GPC5: variants seen among roughly 807,000 people sequenced by gnomAD.
GPC5 encodes the protein glypican 5.
Under a neutral mutation model 53.9 loss-of-function variants are expected in GPC5, and 47 were observed. The observed-to-expected ratio is 0.87, with a 90% CI of 0.69 to 1.11. The LOEUF (loss-of-function observed/expected upper bound fraction) is 1.11. Ranked by LOEUF, GPC5 falls within the 50% of genes most tolerant of loss-of-function variation. The pLI is 0.00. For synonymous variants in GPC5, 286 were observed against 263.3 expected, an observed-to-expected ratio of 1.09 and a Z score of -0.84; for missense variants, 748 against 713.1, an observed-to-expected ratio of 1.05 and a Z score of -0.56.
At chr13:91,715,268 T>A (rs1340531435) in intron 3 of GPC5, among the ~76,000 whole-genome samples, 1 of 152,192 alleles carries the variant, frequency 6.6e-6, no homozygotes, top group Admixed American at 6.5e-5. Flanking sequence ...CAGAGACAAG[T>A]TCTGCCTCTT....
chr13:91,424,915 C>G (rs1878933125), intron 1 of GPC5, among the ~76,000 whole-genome samples: 1 of 152,098 alleles, frequency 6.6e-6, no homozygotes, highest in African/African-American at 2.4e-5. Context: ...AAATGTTGAA[C>G]CAATACAGAA....
At chr13:92,590,124 T>C (rs1883668353) in intron 7 of GPC5, among the ~76,000 whole-genome samples, 1 of 152,122 alleles carries the variant, frequency 6.6e-6, no homozygotes, top group African/African-American at 2.4e-5. Flanking sequence ...CAGGGATCTA[T>C]TCCCCAGCCA....
chr13:92,819,953 C>CT (rs1877618840), intron 7 of GPC5, among the ~76,000 whole-genome samples: 1 of 152,090 alleles, frequency 6.6e-6, no homozygotes, highest in African/African-American at 2.4e-5. Context: ...CTATTCACTA[C>CT]TTTTCCTAAT....
chr13:92,120,503 T>C (rs1364171159), intron 6 of GPC5, among the ~76,000 whole-genome samples: 4 of 152,146 alleles, frequency 2.6e-5, no homozygotes, highest in Non-Finnish European at 5.9e-5. Context: ...CAAGCACTCC[T>C]GCCACTCAAA....
chr13:92,338,306 C>A (rs1215642598), intron 7 of GPC5, among the ~76,000 whole-genome samples: 1 of 152,072 alleles, frequency 6.6e-6, no homozygotes, highest in East Asian at 1.9e-4. Flanking sequence ...GGATGTGGAG[C>A]AACAGGAACT....
intron 7 of GPC5, among the ~76,000 whole-genome samples, chr13:92,368,639 A>AC: frequency 6.7e-6 from 1 of 150,240 alleles, no homozygotes; most frequent in Non-Finnish European, 1.5e-5. Context: ...TGTCTTAAAA[A>AC]AAAAAAAAAA....
intron 7 of GPC5, among the ~76,000 whole-genome samples, chr13:92,315,738 A>G (rs1297822527): frequency 6.6e-6 from 1 of 152,246 alleles, no homozygotes; most frequent in African/African-American, 2.4e-5. Flanking sequence ...GATTGGAAAA[A>G]TAATTAGTAA....
At chr13:91,992,459 CTTTT>C (rs34928600) in intron 6 of GPC5, among the ~76,000 whole-genome samples, 6 of 135,832 alleles carry the variant, frequency 4.4e-5, no homozygotes, top group Non-Finnish European at 4.7e-5. Context: ...AAGCTATTTA[CTTTT>C]TTTTTTTTTT....
chr13:92,081,344 C>A (rs538105316), intron 6 of GPC5, among the ~76,000 whole-genome samples: 1 of 152,112 alleles, frequency 6.6e-6, no homozygotes, highest in Non-Finnish European at 1.5e-5. Flanking sequence ...TCAAGTGATC[C>A]GCCTGCCTTG....
intron 6 of GPC5, among the ~76,000 whole-genome samples, chr13:91,973,604 A>C (rs562266024): frequency 6.6e-6 from 1 of 151,908 alleles, no homozygotes. Context: ...GGTTTTATCT[A>C]CTTTTGGTCT....
At chr13:92,555,489 G>A (rs559431957) in intron 7 of GPC5, among the ~76,000 whole-genome samples, 22 of 151,114 alleles carry the variant, frequency 1.5e-4, no homozygotes, top group Non-Finnish European at 2.5e-4. Flanking sequence ...ATAAACATAT[G>A]CAACAAAAAC....
At chr13:91,932,979 G>A (rs1401464829) in intron 6 of GPC5, among the ~76,000 whole-genome samples, 1 of 151,958 alleles carries the variant, frequency 6.6e-6, no homozygotes, top group Non-Finnish European at 1.5e-5. Context: ...AATGGGGTTT[G>A]CTTTTTGCTG....
intron 7 of GPC5, among the ~76,000 whole-genome samples, chr13:92,833,745 C>T (rs988244160): frequency 1.3e-5 from 2 of 152,096 alleles, no homozygotes; most frequent in Non-Finnish European, 2.9e-5. Context: ...TCACAGACAG[C>T]CTCACAGGTT....
At chr13:92,606,027 T>G (rs2139088037) in intron 7 of GPC5, among the ~76,000 whole-genome samples, 1 of 152,288 alleles carries the variant, frequency 6.6e-6, no homozygotes, top group African/African-American at 2.4e-5. Context: ...ATTAAACCTT[T>G]TAGTTACTTG....
intron 7 of GPC5, among the ~76,000 whole-genome samples, chr13:92,815,300 G>A (rs1217784081): frequency 6.6e-6 from 1 of 151,998 alleles, no homozygotes; most frequent in African/African-American, 2.4e-5. Flanking sequence ...TTTTAGCAGA[G>A]ATAACCAATG....
chr13:92,827,218 T>G (rs1877881358), intron 7 of GPC5, among the ~76,000 whole-genome samples: 1 of 152,094 alleles, frequency 6.6e-6, no homozygotes, highest in Non-Finnish European at 1.5e-5. Flanking sequence ...ACAGATAACG[T>G]TCTGCTTCTG....
At chr13:92,638,198 T>A (rs1885471722) in intron 7 of GPC5, among the ~76,000 whole-genome samples, 1 of 152,044 alleles carries the variant, frequency 6.6e-6, no homozygotes, top group South Asian at 2.1e-4. Flanking sequence ...AAAAATAAAT[T>A]TAGTAAATTG....
At chr13:92,027,965 A>G (rs982575923) in intron 6 of GPC5, among the ~76,000 whole-genome samples, 1 of 152,148 alleles carries the variant, frequency 6.6e-6, no homozygotes, top group Non-Finnish European at 1.5e-5. Flanking sequence ...CTGATATATA[A>G]CAAAACTGGA....
chr13:92,494,812 GATTTA>G (rs777503704), intron 7 of GPC5, among the ~76,000 whole-genome samples: 3 of 152,068 alleles, frequency 2.0e-5, no homozygotes, highest in Non-Finnish European at 4.4e-5. Context: ...TGGTATTCAG[GATTTA>G]ATCTTCCTCT....
Sources: allele counts gnomAD v4.1 joint callset (sites outside exome capture counted in the v4.1 genomes callset), GRCh38; gene constraint gnomAD v4.1.1; transcripts MANE v1.5; gene names NCBI Gene and HGNC (gene_info 2026-07-23, HGNC 2026-07-21).